The following PCDH15 variants were observed in gnomAD, a reference collection of about 807,000 sequenced individuals.
PCDH15 encodes protocadherin-15.
PCDH15 carries 129 observed loss-of-function variants against 178.5 expected under a neutral mutation model. That is an observed-to-expected ratio of 0.72 (90% CI 0.63 to 0.84). The LOEUF (loss-of-function observed/expected upper bound fraction) is 0.84. PCDH15 is among the 40% of genes least tolerant of loss of function. The pLI is 0.00. For missense variants in PCDH15, 2,230 were observed against 2,099.9 expected, an observed-to-expected ratio of 1.06 and a Z score of -1.21; for synonymous variants, 800 against 732.0, an observed-to-expected ratio of 1.09 and a Z score of -1.50.
chr10:55,126,633 CA>C (rs527409259), intron 2 of PCDH15, among the ~76,000 whole-genome samples: 4 of 150,484 alleles, frequency 2.7e-5, no homozygotes, highest in Admixed American at 2.6e-4. Context: ...CTCAAAAAAA[CA>C]AAAAAAAGAA....
chr10:54,399,748 C>T lies in PCDH15; in HGVS notation c.158-20806G>A, dbSNP rs577982626. 3.9e-5 allele frequency among the ~76,000 whole-genome samples: 6 copies of T among 152,170 alleles called. No individual in the cohort carries two copies. In the South Asian group the frequency reaches 1.0e-3, roughly 26 times the overall value. On this transcript the variant is annotated intron_variant, in intron 3 of 37. Coordinates refer to ENST00000644397, the MANE Select transcript of PCDH15 (RefSeq NM_001384140.1). The stretch of plus-strand genomic sequence containing the variant: ...GAATGAGGAGACCTCAGCAGTAAGA[C>T]GCTGGGCTGTGCAGCCACATCCGCG...
intron 3 of PCDH15, among the ~76,000 whole-genome samples, chr10:54,382,653 T>C (rs1565136985): frequency 2.0e-5 from 3 of 152,300 alleles, no homozygotes; most frequent in East Asian, 3.9e-4. Context: ...AACTGTGTTG[T>C]GTTCTGAGTC....
intron 15 of PCDH15, among the ~76,000 whole-genome samples, chr10:54,097,170 TC>T (rs141110867): frequency 0.025 from 3,798 of 152,334 alleles, 80 homozygotes; most frequent in South Asian, 0.078. Flanking sequence ...TCCAGGATTA[TC>T]CTTTGTTAAA....
intron 3 of PCDH15, among the ~76,000 whole-genome samples, chr10:54,403,050 G>A (rs1952140980): frequency 6.6e-6 from 1 of 151,950 alleles, no homozygotes; most frequent in African/African-American, 2.4e-5. Flanking sequence ...AACTTCTTAA[G>A]GGAAACTAAA....
intron 2 of PCDH15, among the ~76,000 whole-genome samples, chr10:55,497,574 TG>T (rs1182503192): frequency 6.5e-4 from 98 of 151,930 alleles, no homozygotes; most frequent in African/African-American, 2.2e-3. Flanking sequence ...TTTATTTCCT[TG>T]GGAAAACATT....
intron 2 of PCDH15, among the ~76,000 whole-genome samples, chr10:55,104,157 G>T (rs1842628314): frequency 1.3e-5 from 2 of 151,488 alleles, no homozygotes; most frequent in Admixed American, 1.3e-4. Flanking sequence ...AAATTCTGAT[G>T]TTCACTTTTC....
At chr10:53,862,177 G>A (rs777271214) in intron 27 of PCDH15, among the ~76,000 whole-genome samples, 8 of 151,718 alleles carry the variant, frequency 5.3e-5, no homozygotes, top group Admixed American at 2.0e-4. Flanking sequence ...TCATTCTCCC[G>A]AGTATCTGGG....
At chr10:55,123,235 A>G (rs1423102817) in intron 2 of PCDH15, among the ~76,000 whole-genome samples, 1 of 152,014 alleles carries the variant, frequency 6.6e-6, no homozygotes, top group Non-Finnish European at 1.5e-5. Flanking sequence ...TAATTTTTAA[A>G]ATAAAGTTTT....
intron 9 of PCDH15, among the ~76,000 whole-genome samples, chr10:54,218,062 C>T (rs1433915099): frequency 6.6e-6 from 1 of 152,040 alleles, no homozygotes; most frequent in East Asian, 1.9e-4. Flanking sequence ...ACTTTTGGAG[C>T]ATGCTAGAGA....
At chr10:53,849,989 T>C (rs7358121) in intron 28 of PCDH15, among the ~76,000 whole-genome samples, 35,331 of 151,536 alleles carry the variant, frequency 0.23, 5,526 homozygotes, top group East Asian at 0.75. Flanking sequence ...AAAACACTAA[T>C]TATTGTGACT....
chr10:55,623,223 C>T (rs984239476), intron 2 of PCDH15, among the ~76,000 whole-genome samples: 10 of 152,240 alleles, frequency 6.6e-5, no homozygotes, highest in African/African-American at 2.2e-4. Context: ...CACTCCCAGA[C>T]ACAGGATATC....
chr10:55,594,269 A>T (rs1015231399), intron 2 of PCDH15, among the ~76,000 whole-genome samples: 6 of 151,972 alleles, frequency 3.9e-5, no homozygotes, highest in Non-Finnish European at 8.8e-5. Context: ...AGATGTGTTA[A>T]CAATGTTTTC....
chr10:55,542,545 A>T (rs1450220585), intron 2 of PCDH15, among the ~76,000 whole-genome samples: 1 of 150,664 alleles, frequency 6.6e-6, no homozygotes, highest in Non-Finnish European at 1.5e-5. Flanking sequence ...TGTACAGGAT[A>T]TCAGTATATG....
chr10:54,843,644 CAT>C (rs776952492), intron 3 of PCDH15, among the ~76,000 whole-genome samples: 6 of 152,056 alleles, frequency 3.9e-5, no homozygotes, highest in African/African-American at 1.2e-4. Context: ...CATTTTATAA[CAT>C]AGAGTGAATT....
At chr10:55,134,526 G>A (rs1284553034) in intron 2 of PCDH15, among the ~76,000 whole-genome samples, 1 of 152,166 alleles carries the variant, frequency 6.6e-6, no homozygotes, top group Non-Finnish European at 1.5e-5. Context: ...TATTTTGCCT[G>A]TTTATTTTCA....
At chr10:54,972,098 C>T (rs1291085227) in intron 2 of PCDH15, among the ~76,000 whole-genome samples, 8 of 152,152 alleles carry the variant, frequency 5.3e-5, no homozygotes, top group Non-Finnish European at 7.4e-5. Flanking sequence ...TCCCACGGGG[C>T]TTCAAAAAGG....
In PCDH15 at chr10:53,807,034, G is replaced by C; in HGVS notation, c.4768C>G (p.Leu1590Val). 1 of 1,613,682 alleles carries C rather than the reference G, an allele frequency of 6.2e-7. No individual in the cohort carries two copies. The highest frequency in any genetic ancestry group is 8.5e-7 in the Non-Finnish European group (1 of 1,179,770). The change falls in exon 38 of 38, where the codon CTT becomes GTT. Residue 1590 changes from leucine (L) to valine (V), a missense_variant. Transcript: ENST00000644397. The stretch of plus-strand genomic sequence containing the variant: ...TTACTGTGGATACTAGGATGGTGAA[G>C]ACGGTTTCTCTGACATTCAGGAGCA... Reference protein sequence around the residue: ...DSAPECQRNRLHHPSIHSNIN... With the variant: ...DSAPECQRNRVHHPSIHSNIN...
rs572779428 is a variant in PCDH15 at position 53,886,715 on chromosome 10, T to A, written c.3501+16528A>T. 2.6e-4 allele frequency among the ~76,000 whole-genome samples: 39 copies of A among 151,552 alleles called. 1 individual carries two copies. The South Asian group carries it at 7.7e-3, about 30-fold the overall frequency. ...AGAGCCCATTCCTCAAAAGAGGTTG[T>A]TTCAGTATCAACTGGTCTTGTTCTA... On this transcript the variant is annotated intron_variant, in intron 26 of 37. Transcript: ENST00000644397.
In PCDH15 at chr10:53,901,807, A is replaced by G. The variant is rs142305924; in HGVS notation, c.3501+1436T>C. Among the ~76,000 whole-genome samples the G allele has an allele frequency of 5.3e-4, 80 of 152,274 alleles. 1 individual carries two copies. The East Asian group carries it at 0.012, about 23-fold the overall frequency. On this transcript the variant is annotated intron_variant, in intron 26 of 37. Coordinates refer to ENST00000644397, the MANE Select transcript of PCDH15 (RefSeq NM_001384140.1). ...CTTGATCTTTTCCTTTATTCAGGTC[A>G]CTGTTTCAGTTTTATCCAAAAAGAA...
Sources: allele counts gnomAD v4.1 joint callset (sites outside exome capture counted in the v4.1 genomes callset), GRCh38; gene constraint gnomAD v4.1.1; transcripts MANE v1.5; gene names NCBI Gene and HGNC (gene_info 2026-07-23, HGNC 2026-07-21).